The following GRIN2A variants were observed in gnomAD, a reference collection of about 807,000 sequenced individuals.
GRIN2A encodes the protein glutamate ionotropic receptor NMDA type subunit 2A.
GRIN2A carries 22 observed loss-of-function variants against 113.4 expected under a neutral mutation model. The ratio of observed to expected loss-of-function variants is 0.19; its 90% CI spans 0.14 to 0.28. The LOEUF is 0.28. Ranked by LOEUF, GRIN2A falls within the 10% of genes least tolerant of loss-of-function variation. The probability of loss-of-function intolerance (pLI) is 1.00; values close to 1 mark genes in which losing one functional copy is unlikely to be tolerated. For synonymous variants in GRIN2A, 827 were observed against 738.4 expected (o/e 1.12, Z -1.94); for missense variants, 1,502 against 1,887.0 (o/e 0.80, Z 3.78).
intron 3 of GRIN2A, among the ~76,000 whole-genome samples, chr16:9,928,960 G>C (rs1471450790): frequency 6.6e-6 from 1 of 152,206 alleles, no homozygotes; most frequent in African/African-American, 2.4e-5. Flanking sequence ...GTCTATCATG[G>C]AGCAAACACT....
At chr16:10,150,637 C>T (rs57005690) in intron 2 of GRIN2A, among the ~76,000 whole-genome samples, 5,663 of 151,692 alleles carry the variant, frequency 0.037, 288 homozygotes, top group African/African-American at 0.11. Flanking sequence ...ACCCACCCAG[C>T]GTCTAGACAC....
intron 2 of GRIN2A, among the ~76,000 whole-genome samples, chr16:10,100,498 C>T (rs9928470): frequency 6.6e-6 from 1 of 152,032 alleles, no homozygotes; most frequent in African/African-American, 2.4e-5. Context: ...CATCTGTAAA[C>T]TGGGAGTAAT....
chr16:9,851,228 T>C (rs973685330), intron 4 of GRIN2A, among the ~76,000 whole-genome samples: 1 of 152,216 alleles, frequency 6.6e-6, no homozygotes. Flanking sequence ...TTTTGCTGGC[T>C]ATAAAGAAAC....
chr16:10,081,221 C>G (rs938767958), intron 2 of GRIN2A, among the ~76,000 whole-genome samples: 1 of 152,196 alleles, frequency 6.6e-6, no homozygotes, highest in African/African-American at 2.4e-5. Context: ...TTCTAAGGGA[C>G]AGCCAGCTAG....
Position 10,180,845 on chromosome 16 carries a change from TAG to T in GRIN2A, c.-18-418_-18-417del. ...TCCATCCAACCCCTCCCACCTGGGATAGAGAGGACCAAGTTATCAACCCCGCC... is the reference window on the plus strand; with the variant it reads ...TCCATCCAACCCCTCCCACCTGGGATAGAGGACCAAGTTATCAACCCCGCC... On this transcript the variant is annotated intron_variant, in intron 1 of 12. Transcript: ENST00000330684. The surrounding 1 kb of genome is among the most constrained non-coding windows in gnomAD (Gnocchi z 7.0). The T allele has an allele frequency of 4.4e-6, 1 of 226,454 alleles. No individual in the cohort carries two copies. The highest frequency in any genetic ancestry group is 8.8e-6 in the Non-Finnish European group (1 of 113,540). The allele number at this position is 226,454 out of a possible 1,614,324, so 14.0% of individuals were successfully genotyped here.
intron 2 of GRIN2A, among the ~76,000 whole-genome samples, chr16:9,972,427 T>C (rs1265370955): frequency 1.3e-5 from 2 of 151,664 alleles, no homozygotes; most frequent in African/African-American, 4.9e-5. Flanking sequence ...ATCTGACCCA[T>C]TCTCAAGGAA....
At chr16:10,016,116 C>CAAAAAA in intron 2 of GRIN2A, among the ~76,000 whole-genome samples, 1 of 66,308 alleles carries the variant, frequency 1.5e-5, no homozygotes, top group Non-Finnish European at 2.7e-5. Context: ...AACTCCATCT[C>CAAAAAA]AAAAAAAAAA....
chr16:9,798,189 CA>C, intron 11 of GRIN2A, 87 bp downstream of exon 11: 1 of 1,047,276 alleles, frequency 9.5e-7, no homozygotes, highest in Non-Finnish European at 1.5e-6. Context: ...ACTCATCATG[CA>C]AAGATCCACT....
chr16:10,163,179 G>A (rs990541963), intron 2 of GRIN2A, among the ~76,000 whole-genome samples: 9 of 152,216 alleles, frequency 5.9e-5, no homozygotes, highest in Admixed American at 2.6e-4. Context: ...GGAGTGGGGA[G>A]TGGGCGGTGG....
At chr16:9,807,233 G>A (rs2041989960) in intron 10 of GRIN2A, among the ~76,000 whole-genome samples, 3 of 75,178 alleles carry the variant, frequency 4.0e-5, no homozygotes, top group East Asian at 4.3e-4. Flanking sequence ...GAAAAAGTGG[G>A]GGGAGAGAGG....
intron 2 of GRIN2A, among the ~76,000 whole-genome samples, chr16:10,045,511 C>A (rs1221869094): frequency 6.6e-6 from 1 of 152,106 alleles, no homozygotes. Context: ...TGGGACACAG[C>A]TTCACCATCA....
chr16:9,781,007 T>TTTTTA (rs3058069), intron 11 of GRIN2A, among the ~76,000 whole-genome samples: 1 of 151,734 alleles, frequency 6.6e-6, no homozygotes, highest in African/African-American at 2.4e-5. Context: ...TTTTTTTTTT[T>TTTTTA]ATGGTAAACG....
chr16:10,165,947 C>T lies in GRIN2A; in HGVS notation c.414+14051G>A, dbSNP rs148064685. 2.4e-3 allele frequency among the ~76,000 whole-genome samples: 363 copies of T among 152,244 alleles called. 1 individual carries two copies. The highest frequency in any genetic ancestry group is 8.1e-3 in the African/African-American group (335 of 41,540). On this transcript the variant is annotated intron_variant, in intron 2 of 12. Coordinates refer to ENST00000330684, the MANE Select transcript of GRIN2A (RefSeq NM_001134407.3). ...ACCCAAGGCCTGCCATTTTCAAAAT[C>T]CCATTCATGGAAGCCATGCACACAC...
intron 5 of GRIN2A, 119 bp downstream of exon 5, chr16:9,849,637 A>G: frequency 1.2e-6 from 1 of 819,988 alleles, no homozygotes; most frequent in Non-Finnish European, 2.1e-6. Context: ...TATACCTACT[A>G]TAACGACGTG....
chr16:9,887,378 C>T (rs754220154), intron 4 of GRIN2A, among the ~76,000 whole-genome samples: 9 of 152,164 alleles, frequency 5.9e-5, no homozygotes, highest in African/African-American at 2.2e-4. Flanking sequence ...GATATCTAAC[C>T]CCATAGGGAA....
rs1901100288 is a variant in GRIN2A at position 9,769,099 on chromosome 16, T to A, written c.2357-10A>T. ...AGCTCCTCCATCTCACCTGGACAGA[T>A]CACAACATTCACAGGCAGTGAGGAC... On this transcript the variant is annotated splice_polypyrimidine_tract_variant and intron_variant, in intron 11 of 12. Coordinates refer to ENST00000330684, the MANE Select transcript of GRIN2A (RefSeq NM_001134407.3). The A allele has an allele frequency of 6.3e-7, 1 of 1,595,120 alleles. No homozygotes were observed. The highest frequency in any genetic ancestry group is 1.1e-5 in the South Asian group (1 of 90,722).
chr16:9,959,257 T>A (rs2141697424), intron 2 of GRIN2A, among the ~76,000 whole-genome samples: 1 of 152,198 alleles, frequency 6.6e-6, no homozygotes, highest in South Asian at 2.1e-4. Context: ...ACATCTCCAA[T>A]CTCCTAAGAG....
intron 2 of GRIN2A, among the ~76,000 whole-genome samples, chr16:10,109,996 A>G (rs1166429870): frequency 1.3e-5 from 2 of 152,104 alleles, no homozygotes; most frequent in African/African-American, 4.8e-5. Context: ...GGTGTGCTGC[A>G]TCCATTAACT....
Position 9,838,608 on chromosome 16 carries a change from G to A in GRIN2A, c.1651+2039C>T, listed in dbSNP as rs544012986. Reference sequence around the variant, plus strand: ...GATGGGTATGTAGATGCTGAATAAAGGTTTATGGGCTGATTTAAATTAACT... The same window carrying A: ...GATGGGTATGTAGATGCTGAATAAAAGTTTATGGGCTGATTTAAATTAACT... On this transcript the variant is annotated intron_variant, in intron 7 of 12. Coordinates refer to ENST00000330684, the MANE Select transcript of GRIN2A (RefSeq NM_001134407.3). 3.9e-5 allele frequency among the ~76,000 whole-genome samples: 6 copies of A among 152,164 alleles called. No homozygotes were observed. The East Asian group carries it at 9.7e-4, about 25-fold the overall frequency.
Sources: gnomAD v4.1 joint callset for allele counts (sites outside exome capture counted in the v4.1 genomes callset) on GRCh38, gnomAD v4.1.1 for gene constraint, Gnocchi (gnomAD v3.1) non-coding constraint, MANE v1.5 for transcripts, NCBI Gene and HGNC (gene_info 2026-07-23, HGNC 2026-07-21) for gene names.